Variants in ZHX3 observed in about 807,000 individuals in gnomAD.
ZHX3 encodes zinc fingers and homeoboxes protein 3.
Under a neutral mutation model 64.5 loss-of-function variants are expected in ZHX3, and 20 were observed. The ratio of observed to expected loss-of-function variants is 0.31; its 90% CI spans 0.22 to 0.45. The LOEUF (loss-of-function observed/expected upper bound fraction) is 0.45, where lower values mean the gene tolerates loss of function less well. ZHX3 is among the 20% of genes least tolerant of loss of function. The probability of loss-of-function intolerance (pLI) is 1.00; values close to 1 mark genes in which losing one functional copy is unlikely to be tolerated. For missense variants in ZHX3, 1,041 were observed against 1,195.8 expected, an observed-to-expected ratio of 0.87 and a Z score of 1.91; for synonymous variants, 423 against 461.6, an observed-to-expected ratio of 0.92 and a Z score of 1.07.
In ZHX3 at chr20:41,182,825, G is replaced by C. The variant is rs2036294079; in HGVS notation, c.*2366C>G. The C allele has an allele frequency of 6.6e-6, 1 of 152,244 alleles. No homozygotes were observed. Among genetic ancestry groups the C allele is most frequent in the Non-Finnish European group, 1.5e-5 (1 of 68,054 alleles). The allele number at this position is 152,244 out of a possible 1,614,324, so 9.4% of individuals were successfully genotyped here. ...CCTGAAAGATGAGCTAGTGCCCATG[G>C]CTGGGTCACTGTAGGTCCTGCATGA... On this transcript the variant is annotated 3_prime_UTR_variant, in exon 4 of 4. Coordinates refer to ENST00000683867, the MANE Select transcript of ZHX3 (RefSeq NM_001384317.1). This position sits in a 1 kb window ranked among gnomAD's most constrained non-coding sequence, Gnocchi z 6.1.
intron 3 of ZHX3, among the ~76,000 whole-genome samples, chr20:41,186,178 C>CT (rs1167366943): frequency 6.6e-6 from 1 of 152,186 alleles, no homozygotes; most frequent in East Asian, 1.9e-4. Context: ...CCCTTAGGCC[C>CT]TGGTAACCTC....
intron 2 of ZHX3, among the ~76,000 whole-genome samples, chr20:41,268,769 G>T (rs2042986313): frequency 6.6e-6 from 1 of 152,162 alleles, no homozygotes; most frequent in Admixed American, 6.5e-5. Context: ...AATCATCGAA[G>T]TTGTAGATTC....
chr20:41,306,419 T>C (rs1270096516), intron 1 of ZHX3, among the ~76,000 whole-genome samples: 2 of 152,228 alleles, frequency 1.3e-5, no homozygotes, highest in Non-Finnish European at 2.9e-5. Flanking sequence ...GGTCATGTAA[T>C]TGATAAAAGG....
At chr20:41,221,568 G>T (rs1200326106) in intron 2 of ZHX3, among the ~76,000 whole-genome samples, 1 of 152,214 alleles carries the variant, frequency 6.6e-6, no homozygotes, top group Non-Finnish European at 1.5e-5. Flanking sequence ...TAGTTTGGGG[G>T]AGAGAGATAA....
chr20:41,287,676 A>AAC (rs1413604563), intron 1 of ZHX3, among the ~76,000 whole-genome samples: 1 of 152,218 alleles, frequency 6.6e-6, no homozygotes, highest in Non-Finnish European at 1.5e-5. Flanking sequence ...GAGGCCTAGC[A>AAC]ACAACCATGT....
In ZHX3 at chr20:41,306,922, C is replaced by T. The variant is rs114634123; in HGVS notation, c.-245+10587G>A. Reference sequence around the variant, plus strand: ...AACATGGGAAAGGAAAAATTGAATGCAAGATTTCAGGCATAACGATGACCA... The same window carrying T: ...AACATGGGAAAGGAAAAATTGAATGTAAGATTTCAGGCATAACGATGACCA... On this transcript the variant is annotated intron_variant, in intron 1 of 3. Transcript: ENST00000683867. Among the ~76,000 whole-genome samples, 523 of 152,258 alleles carry T rather than the reference C, an allele frequency of 3.4e-3. 3 individuals are homozygous for T. Among genetic ancestry groups the T allele is most frequent in the African/African-American group, 0.012 (499 of 41,542 alleles).
At chr20:41,298,399 C>A (rs2044643750) in intron 1 of ZHX3, among the ~76,000 whole-genome samples, 1 of 152,182 alleles carries the variant, frequency 6.6e-6, no homozygotes, top group African/African-American at 2.4e-5. Context: ...TCAATAAATG[C>A]TTGCTTTTAT....
intron 1 of ZHX3, among the ~76,000 whole-genome samples, chr20:41,306,609 T>A (rs568419746): frequency 1.2e-4 from 19 of 152,370 alleles, no homozygotes; most frequent in Admixed American, 8.5e-4. Flanking sequence ...ATAATAAGTA[T>A]GTTATTTGGT....
chr20:41,284,116 C>T (rs1391280157), intron 1 of ZHX3, among the ~76,000 whole-genome samples: 1 of 152,132 alleles, frequency 6.6e-6, no homozygotes, highest in African/African-American at 2.4e-5. Flanking sequence ...ATTGCACTTG[C>T]TTCATAATGT....
rs2038389097 is a variant in ZHX3 at position 41,203,141 on chromosome 20, G to A, written c.1776C>T (p.Ala592=). The A allele has an allele frequency of 1.2e-6, 2 of 1,613,990 alleles. No individual in the cohort carries two copies. The highest frequency in any genetic ancestry group is 1.7e-6 in the Non-Finnish European group (2 of 1,180,028). ...TGGCAGAAGGGTGGGTTGCTAGTGTGGCTGTTGTCGGAATGCAGGTTACCT... is the reference window on the plus strand; with the variant it reads ...TGGCAGAAGGGTGGGTTGCTAGTGTAGCTGTTGTCGGAATGCAGGTTACCT... ...VPEVTCIPTT[A]TLATHPSAKR... is the part of the protein sequence containing the mutation. The change falls in exon 3 of 4, where the codon GCC becomes GCT. Residue 592 remains alanine (A), a synonymous_variant. Transcript: ENST00000683867. The surrounding 1 kb of genome is among the most constrained non-coding windows in gnomAD (Gnocchi z 7.1).
At chr20:41,214,583 T>C (rs911141067) in intron 2 of ZHX3, among the ~76,000 whole-genome samples, 11 of 152,220 alleles carry the variant, frequency 7.2e-5, no homozygotes, top group African/African-American at 2.4e-4. Context: ...TTGAAAGAGA[T>C]TGACAGTGAA....
intron 1 of ZHX3, among the ~76,000 whole-genome samples, chr20:41,281,352 C>T (rs1003638498): frequency 5.9e-5 from 9 of 152,146 alleles, no homozygotes; most frequent in African/African-American, 2.2e-4. Context: ...CAAAGGTGTA[C>T]TGTAGCAAAT....
At chr20:41,261,325 T>A (rs1271269050) in intron 2 of ZHX3, among the ~76,000 whole-genome samples, 1 of 152,142 alleles carries the variant, frequency 6.6e-6, no homozygotes, top group Non-Finnish European at 1.5e-5. Context: ...CAAATCAGAA[T>A]ACCTCAAGCT....
chr20:41,240,045 G>A (rs994388975), intron 2 of ZHX3, among the ~76,000 whole-genome samples: 27 of 151,812 alleles, frequency 1.8e-4, no homozygotes, highest in Admixed American at 5.3e-4. Context: ...TGCCCAGGCT[G>A]GAGGGCAGTG....
chr20:41,189,237 C>T (rs1260312369), intron 3 of ZHX3, among the ~76,000 whole-genome samples: 1 of 152,160 alleles, frequency 6.6e-6, no homozygotes, highest in Non-Finnish European at 1.5e-5. Flanking sequence ...GTTTTGGTTA[C>T]TATAGCCTTG....
chr20:41,269,601 A>G (rs2043027315), intron 1 of ZHX3: 1 of 152,194 alleles, frequency 6.6e-6, no homozygotes, highest in African/African-American at 2.4e-5. Context: ...AATGAATGAG[A>G]CAGTAACTAT....
At chr20:41,316,062 AT>A (rs1459390389) in intron 1 of ZHX3, among the ~76,000 whole-genome samples, 1 of 151,626 alleles carries the variant, frequency 6.6e-6, no homozygotes, top group African/African-American at 2.4e-5. Flanking sequence ...CATGGGGAAC[AT>A]TTTTTTCCAA....
intron 2 of ZHX3, among the ~76,000 whole-genome samples, chr20:41,219,000 G>A (rs2039754514): frequency 6.7e-6 from 1 of 149,814 alleles, no homozygotes; most frequent in Non-Finnish European, 1.5e-5. Flanking sequence ...CGCGATCTCG[G>A]CTCACTGCAA....
intron 2 of ZHX3, among the ~76,000 whole-genome samples, chr20:41,262,521 C>T (rs181478983): frequency 1.3e-5 from 2 of 152,352 alleles, no homozygotes; most frequent in East Asian, 1.9e-4. Context: ...GGTGCCTGCA[C>T]TGACTCACCA....
Sources: allele counts gnomAD v4.1 joint callset (sites outside exome capture counted in the v4.1 genomes callset), GRCh38; gene constraint gnomAD v4.1.1; non-coding constraint Gnocchi (gnomAD v3.1); transcripts MANE v1.5; gene names NCBI Gene and HGNC (gene_info 2026-07-23, HGNC 2026-07-21).